FGGY: variants seen among roughly 807,000 people sequenced by gnomAD.
The protein encoded by FGGY is FGGY carbohydrate kinase domain containing.
In FGGY, 72 loss-of-function variants were observed where a neutral mutation model predicts 71.3. That is an observed-to-expected ratio of 1.01 (90% CI 0.84 to 1.23). FGGY has a LOEUF of 1.23. Among genes scored for constraint, FGGY ranks in the 50% most tolerant of loss-of-function variants. The probability of loss-of-function intolerance (pLI) is 0.00; values close to 1 mark genes in which losing one functional copy is unlikely to be tolerated. For synonymous variants in FGGY, 251 were observed against 250.3 expected (o/e 1.00, Z -0.02); for missense variants, 668 against 682.3 (o/e 0.98, Z 0.23).
intron 2 of FGGY, among the ~76,000 whole-genome samples, chr1:59,339,263 A>G (rs2050186597): frequency 6.6e-6 from 1 of 152,278 alleles, no homozygotes; most frequent in Non-Finnish European, 1.5e-5. Context: ...TTTGATCACA[A>G]GCATTTCAGG....
intron 6 of FGGY, among the ~76,000 whole-genome samples, chr1:59,477,374 T>C (rs981819796): frequency 6.6e-5 from 10 of 152,128 alleles, no homozygotes; most frequent in Non-Finnish European, 1.0e-4. Context: ...AGAATCTGCA[T>C]CAGAGGGCTG....
At chr1:59,315,063 G>A (rs2045169600) in intron 1 of FGGY, among the ~76,000 whole-genome samples, 1 of 152,168 alleles carries the variant, frequency 6.6e-6, no homozygotes, top group Admixed American at 6.5e-5. Context: ...TCTCCAGTTG[G>A]TGACAGGAAA....
chr1:59,672,867 A>G (rs2097394882), intron 13 of FGGY, among the ~76,000 whole-genome samples: 1 of 152,164 alleles, frequency 6.6e-6, no homozygotes, highest in Non-Finnish European at 1.5e-5. Flanking sequence ...TTATAGACCT[A>G]AGAATCCTAA....
intron 9 of FGGY, among the ~76,000 whole-genome samples, chr1:59,617,973 T>G (rs978120975): frequency 2.6e-5 from 4 of 152,124 alleles, no homozygotes; most frequent in Non-Finnish European, 5.9e-5. Context: ...CATTCTGCTA[T>G]AAATGGGTGT....
chr1:59,696,331 C>T (rs1340365334), intron 14 of FGGY, among the ~76,000 whole-genome samples: 2 of 151,942 alleles, frequency 1.3e-5, no homozygotes, highest in Non-Finnish European at 2.9e-5. Flanking sequence ...AACATTTTTC[C>T]CTAGAAAATT....
chr1:59,641,194 C>T (rs2097022255), intron 11 of FGGY: 1 of 1,022,850 alleles, frequency 9.8e-7, no homozygotes. Context: ...AATTTTGGCT[C>T]CTTGTATCAT....
chr1:59,447,870 C>A (rs2177072), intron 5 of FGGY, among the ~76,000 whole-genome samples: 7,696 of 152,248 alleles, frequency 0.051, 249 homozygotes, highest in East Asian at 0.12. Flanking sequence ...TGGACTAATA[C>A]ATTGGACCTT....
chr1:59,700,647 C>T (rs115977494), intron 14 of FGGY, among the ~76,000 whole-genome samples: 212 of 152,288 alleles, frequency 1.4e-3, no homozygotes, highest in African/African-American at 4.9e-3. Context: ...TCACTGAGTG[C>T]CTCTAGCTTT....
intron 8 of FGGY, among the ~76,000 whole-genome samples, chr1:59,591,425 A>T (rs1055335477): frequency 1.4e-4 from 22 of 152,190 alleles, no homozygotes; most frequent in African/African-American, 5.1e-4. Flanking sequence ...TCTTCACAGA[A>T]TTGGAAAAAA....
At chr1:59,653,231 G>C (rs1399976587) in intron 11 of FGGY, among the ~76,000 whole-genome samples, 4 of 151,990 alleles carry the variant, frequency 2.6e-5, no homozygotes, top group African/African-American at 2.4e-5. Flanking sequence ...GCCCCCAGAG[G>C]TGGAGCCTAC....
chr1:59,439,293 C>T (rs966922069), intron 5 of FGGY, among the ~76,000 whole-genome samples: 6 of 152,132 alleles, frequency 3.9e-5, no homozygotes, highest in African/African-American at 1.4e-4. Flanking sequence ...TTTGTTTAAA[C>T]AAGACCATAA....
At chr1:59,623,386 C>G (rs1029617367) in intron 9 of FGGY, among the ~76,000 whole-genome samples, 1 of 152,088 alleles carries the variant, frequency 6.6e-6, no homozygotes, top group East Asian at 1.9e-4. Context: ...GTAATTTAAC[C>G]TACAGTAATC....
chr1:59,395,487 A>G (rs1571565915), intron 5 of FGGY, among the ~76,000 whole-genome samples: 1 of 152,110 alleles, frequency 6.6e-6, no homozygotes, highest in Non-Finnish European at 1.5e-5. Context: ...TTTAAGTTGT[A>G]TCTTCTTTGC....
intron 12 of FGGY, among the ~76,000 whole-genome samples, chr1:59,664,724 G>C (rs1002043478): frequency 6.6e-6 from 1 of 152,208 alleles, no homozygotes; most frequent in African/African-American, 2.4e-5. Flanking sequence ...CTAGCATATA[G>C]TTGATAACCA....
intron 13 of FGGY, among the ~76,000 whole-genome samples, chr1:59,668,232 C>G (rs962883901): frequency 1.3e-5 from 2 of 152,124 alleles, no homozygotes; most frequent in African/African-American, 4.8e-5. Flanking sequence ...TGGCCTGGAC[C>G]TCTGTCTCTC....
At chr1:59,685,107 C>T (rs923979585) in intron 14 of FGGY, among the ~76,000 whole-genome samples, 1 of 152,180 alleles carries the variant, frequency 6.6e-6, no homozygotes, top group African/African-American at 2.4e-5. Context: ...CTGCCCTCTG[C>T]GTATCCCCCA....
At chr1:59,517,422 T>G (rs1056534561) in intron 7 of FGGY, among the ~76,000 whole-genome samples, 1 of 151,776 alleles carries the variant, frequency 6.6e-6, no homozygotes, top group East Asian at 1.9e-4. Flanking sequence ...CCCGCCACTA[T>G]GCCCGGCTAA....
chr1:59,698,376 A>T (rs1007764604), intron 14 of FGGY, among the ~76,000 whole-genome samples: 1 of 147,966 alleles, frequency 6.8e-6, no homozygotes, highest in East Asian at 2.0e-4. Context: ...CGCAGTTCCC[A>T]CCCCTTGGTC....
At chr1:59,718,624 A>G (rs1245712501) in intron 14 of FGGY, among the ~76,000 whole-genome samples, 3 of 152,198 alleles carry the variant, frequency 2.0e-5, no homozygotes, top group African/African-American at 4.8e-5. Flanking sequence ...AACTCCTGGG[A>G]TGGTGATATG....
Sources: allele counts gnomAD v4.1 joint callset (sites outside exome capture counted in the v4.1 genomes callset), GRCh38; gene constraint gnomAD v4.1.1; transcripts MANE v1.5; gene names NCBI Gene and HGNC (gene_info 2026-07-23, HGNC 2026-07-21).